The following RPAP3 variants were observed in gnomAD, a reference collection of about 807,000 sequenced individuals.
RPAP3 encodes RNA polymerase II associated protein 3.
RPAP3 carries 58 observed loss-of-function variants against 88.8 expected under a neutral mutation model. The ratio of observed to expected loss-of-function variants is 0.65; its 90% CI spans 0.53 to 0.81. The LOEUF (loss-of-function observed/expected upper bound fraction) is 0.81, where lower values mean the gene tolerates loss of function less well. Among genes scored for constraint, RPAP3 ranks in the 40% least tolerant of loss-of-function variants. The pLI is 0.00. For missense variants in RPAP3, 751 were observed against 764.3 expected, an observed-to-expected ratio of 0.98 and a Z score of 0.20; for synonymous variants, 255 against 259.9, an observed-to-expected ratio of 0.98 and a Z score of 0.18.
chr12:47,690,556 G>T lies in RPAP3; in HGVS notation c.629C>A (p.Ala210Asp). The change falls in exon 6 of 17, where the codon GCT becomes GAT. Residue 210 changes from alanine (A) to aspartate (D), a missense_variant. Physicochemically the swap from Ala to Asp is moderately radical, Grantham distance 126. Coordinates refer to ENST00000005386, the MANE Select transcript of RPAP3 (RefSeq NM_024604.3). ...TTCTAATTTTTGCAAAGCAAATCGA[G>T]CAGCACCTCGTCTGGAATAAGCCTT... ...YTKAYSRRGA[A>D]RFALQKLEEA... The T allele has an allele frequency of 6.2e-7, 1 of 1,604,104 alleles. No homozygotes were observed. The highest frequency in any genetic ancestry group is 8.5e-7 in the Non-Finnish European group (1 of 1,174,860).
intron 12 of RPAP3, among the ~76,000 whole-genome samples, chr12:47,673,811 G>A (rs1939050785): frequency 6.6e-6 from 1 of 151,870 alleles, no homozygotes; most frequent in African/African-American, 2.4e-5. Flanking sequence ...AATTTGTCTT[G>A]CGTACTTTTC....
At chr12:47,697,850 G>C (rs1378942292) in intron 3 of RPAP3, 131 bp from the exon 4 acceptor site, 196 of 793,994 alleles carry the variant, frequency 2.5e-4, no homozygotes, top group Non-Finnish European at 1.3e-5. Flanking sequence ...GCCTTACAAA[G>C]CAACCCAAAT....
At chr12:47,694,438 T>A (rs1054334305) in intron 5 of RPAP3, among the ~76,000 whole-genome samples, 7 of 152,194 alleles carry the variant, frequency 4.6e-5, no homozygotes, top group Non-Finnish European at 8.8e-5. Flanking sequence ...TATTAGGAAC[T>A]CAAGCAGCAA....
chr12:47,670,388 G>A, intron 12 of RPAP3, 43 bp from the exon 13 acceptor site: 1 of 1,202,708 alleles, frequency 8.3e-7, no homozygotes, highest in Non-Finnish European at 1.2e-6. Flanking sequence ...AATATTAAAG[G>A]TTTCCTATTT....
intron 6 of RPAP3, 88 bp downstream of exon 6, chr12:47,690,430 G>A (rs58118266): frequency 9.3e-7 from 1 of 1,074,742 alleles, no homozygotes; most frequent in Non-Finnish European, 1.3e-6. Flanking sequence ...CTCTCTGAAG[G>A]TAGTAACTGT....
At chr12:47,687,767 C>A in intron 8 of RPAP3, 109 bp downstream of exon 8, 1 of 1,320,810 alleles carries the variant, frequency 7.6e-7, no homozygotes, top group Admixed American at 2.5e-5. Context: ...CCAATTCCTA[C>A]TCAAGCAAAA....
Position 47,679,526 on chromosome 12 carries a change from T to C in RPAP3, c.1254A>G (p.Lys418=). The C allele has an allele frequency of 1.2e-6, 2 of 1,605,804 alleles. No individual in the cohort carries two copies. Among genetic ancestry groups the C allele is most frequent in the Non-Finnish European group, 1.7e-6 (2 of 1,175,156 alleles). ...LDSTQRQNVV[K]PIDNPPHPGS... ...CAGGATGCGGTGGATTATCAATGGG[T>C]TTTACCACATTTTGTCTTTGTGTGG... Residue 418 remains lysine, a synonymous_variant, in exon 12 of 17, where the codon AAA becomes AAG. Coordinates refer to ENST00000005386, the MANE Select transcript of RPAP3 (RefSeq NM_024604.3).
chr12:47,667,275 C>T (rs778104660), intron 15 of RPAP3, among the ~76,000 whole-genome samples, 195 bp from the exon 16 acceptor site: 25 of 152,138 alleles, frequency 1.6e-4, no homozygotes, highest in Non-Finnish European at 3.1e-4. Flanking sequence ...TAAATGAGAG[C>T]TTAGTACGGA....
In RPAP3 at chr12:47,690,562, C is replaced by T; in HGVS notation, c.623G>A (p.Gly208Asp). Reference protein sequence around the residue: ...RSYTKAYSRRGAARFALQKLE... With the variant: ...RSYTKAYSRRDAARFALQKLE... ...TTTTTGCAAAGCAAATCGAGCAGCA[C>T]CTCGTCTGGAATAAGCCTTTGTATA... Residue 208 changes from glycine (G) to aspartate (D), a missense_variant, in exon 6 of 17, where the codon GGT becomes GAT. Physicochemically the swap from Gly to Asp is moderately conservative, Grantham distance 94. Coordinates refer to ENST00000005386, the MANE Select transcript of RPAP3 (RefSeq NM_024604.3). 6.2e-7 allele frequency: 1 copy of T among 1,605,102 alleles called. No homozygotes were observed. Among genetic ancestry groups the T allele is most frequent in the Non-Finnish European group, 8.5e-7 (1 of 1,175,376 alleles).
intron 5 of RPAP3, among the ~76,000 whole-genome samples, chr12:47,690,874 T>C (rs1939415017): frequency 1.3e-5 from 2 of 152,370 alleles, no homozygotes; most frequent in South Asian, 4.1e-4. Flanking sequence ...ATAAAGCTAG[T>C]CACACAAATT....
intron 4 of RPAP3, among the ~76,000 whole-genome samples, 189 bp from the exon 5 acceptor site, chr12:47,696,592 G>A (rs547806159): frequency 4.0e-5 from 6 of 151,650 alleles, no homozygotes; most frequent in Non-Finnish European, 8.8e-5. Flanking sequence ...CCACCCGAGA[G>A]AGCAAGACCA....
intron 12 of RPAP3, among the ~76,000 whole-genome samples, chr12:47,673,660 T>C (rs946332606): frequency 6.6e-6 from 1 of 152,066 alleles, no homozygotes. Flanking sequence ...CAAAGGATCG[T>C]CTATGCATAA....
chr12:47,667,924 G>C, intron 14 of RPAP3, 73 bp from the exon 15 acceptor site: 1 of 998,690 alleles, frequency 1.0e-6, no homozygotes, highest in Non-Finnish European at 1.5e-6. Flanking sequence ...ACAATTGCTT[G>C]GGTAAAAATA....
intron 5 of RPAP3, among the ~76,000 whole-genome samples, chr12:47,691,859 C>G (rs781370849): frequency 3.3e-5 from 5 of 152,094 alleles, no homozygotes; most frequent in Non-Finnish European, 7.4e-5. Context: ...CATTCTCCTG[C>G]CTCAGCCTCC....
chr12:47,693,565 G>A (rs577159292), intron 5 of RPAP3, among the ~76,000 whole-genome samples: 1 of 152,264 alleles, frequency 6.6e-6, no homozygotes, highest in African/African-American at 2.4e-5. Context: ...GCAATAAAGC[G>A]ACACACAACA....
intron 12 of RPAP3, among the ~76,000 whole-genome samples, chr12:47,671,999 A>C (rs542694494): frequency 2.6e-4 from 39 of 152,188 alleles, no homozygotes; most frequent in Non-Finnish European, 4.4e-4. Flanking sequence ...TTTAAAAAAA[A>C]AGTGAGAGAG....
chr12:47,670,418 G>C, intron 12 of RPAP3, 73 bp from the exon 13 acceptor site: 1 of 827,150 alleles, frequency 1.2e-6, no homozygotes, highest in Non-Finnish European at 1.9e-6. Context: ...AAGTTAAAAG[G>C]CTGCAATGAT....
chr12:47,669,089 A>G lies in RPAP3; in HGVS notation c.1540T>C (p.Leu514=). The G allele has an allele frequency of 1.2e-6, 2 of 1,613,380 alleles. No homozygotes were observed. The highest frequency in any genetic ancestry group is 8.5e-7 in the Non-Finnish European group (1 of 1,179,398). The change falls in exon 14 of 17, where the codon TTG becomes CTG. Residue 514 remains leucine (L), a synonymous_variant. Transcript: ENST00000005386. ...TAAGACTGACATACATCCTGCTTCA[A>G]ACTGGCTTGAGGTCTGAAATATTTC... is the stretch of plus-strand genomic sequence containing the variant. ...DTSSLQPQAS[L]KQDVCQSYSE...
At chr12:47,695,164 C>T (rs1047608261) in intron 5 of RPAP3, among the ~76,000 whole-genome samples, 7 of 151,722 alleles carry the variant, frequency 4.6e-5, no homozygotes, top group African/African-American at 1.7e-4. Flanking sequence ...AAGAAAGGAA[C>T]GAACCAACAA....
Sources: gnomAD v4.1 joint callset for allele counts (sites outside exome capture counted in the v4.1 genomes callset) on GRCh38, gnomAD v4.1.1 for gene constraint, MANE v1.5 for transcripts, NCBI Gene and HGNC (gene_info 2026-07-23, HGNC 2026-07-21) for gene names.